ERBIN: variants seen among roughly 807,000 people sequenced by gnomAD.
ERBIN encodes the protein densin-180-like protein.
In ERBIN, 60 loss-of-function variants were observed where a neutral mutation model predicts 158.4. The ratio of observed to expected loss-of-function variants is 0.38; its 90% CI spans 0.31 to 0.47. ERBIN has a LOEUF of 0.47. ERBIN is among the 20% of genes least tolerant of loss of function. The pLI, the probability that ERBIN is intolerant of heterozygous loss-of-function variation, is 0.99. For missense variants in ERBIN, 1,610 were observed against 1,648.0 expected, an observed-to-expected ratio of 0.98 and a Z score of 0.40; for synonymous variants, 594 against 557.2, an observed-to-expected ratio of 1.07 and a Z score of -0.93.
intron 3 of ERBIN, 97 bp downstream of exon 3, chr5:65,993,004 T>C: frequency 1.0e-6 from 1 of 1,001,206 alleles, no homozygotes; most frequent in Non-Finnish European, 1.4e-6. Context: ...AATATATTTG[T>C]GTGGTTGAAT....
chr5:65,959,238 T>A (rs574177812), intron 1 of ERBIN, among the ~76,000 whole-genome samples: 1 of 152,298 alleles, frequency 6.6e-6, no homozygotes, highest in South Asian at 2.1e-4. Flanking sequence ...TTTGATCACT[T>A]AAAAATTCAT....
chr5:66,036,996 A>G (rs750977879), intron 14 of ERBIN, among the ~76,000 whole-genome samples: 6 of 152,176 alleles, frequency 3.9e-5, no homozygotes, highest in Non-Finnish European at 8.8e-5. Context: ...TTTAAAGGAT[A>G]CAATTCAGTG....
chr5:66,021,796 A>C (rs1295916765), intron 8 of ERBIN, among the ~76,000 whole-genome samples: 4 of 152,136 alleles, frequency 2.6e-5, no homozygotes. Context: ...TTAATAGCTA[A>C]GGGGAAAATC....
rs190790667 is a variant in ERBIN, at chr5:66,067,941, G to A, written c.3634-4228G>A. On this transcript the variant is annotated intron_variant, in intron 21 of 25. Coordinates refer to ENST00000284037, the MANE Select transcript of ERBIN (RefSeq NM_001253697.2). The stretch of plus-strand genomic sequence containing the variant: ...GCCTGGGTAACATAGCAAGACCCAT[G>A]TCTCTTTAAAAAATAAAATTAAAAA... 1.6e-3 allele frequency among the ~76,000 whole-genome samples: 236 copies of A among 152,176 alleles called. 1 individual carries two copies. Among genetic ancestry groups the A allele is most frequent in the Non-Finnish European group, 2.7e-3 (182 of 67,996 alleles).
At position 66,036,215 on chromosome 5, in the gene ERBIN, A is replaced by C. The variant is rs529469381; in HGVS notation, c.1207-2168A>C. ...AGCTTCCTAATAGGTCTCTGCCTCC[A>C]GTGTTGCTACCAGTTCCAATCCCTT... is the stretch of plus-strand genomic sequence containing the variant. On this transcript the variant is annotated intron_variant, in intron 14 of 25. Coordinates refer to ENST00000284037, the MANE Select transcript of ERBIN (RefSeq NM_001253697.2). Among the ~76,000 whole-genome samples the C allele has an allele frequency of 2.6e-4, 40 of 152,324 alleles. No homozygotes were observed. The South Asian group carries it at 7.9e-3, about 30-fold the overall frequency.
intron 7 of ERBIN, among the ~76,000 whole-genome samples, chr5:66,018,480 T>TTATATAATATATATTATATATTATATAA (rs1554058765): frequency 1.8e-4 from 1 of 5,498 alleles, no homozygotes; most frequent in Non-Finnish European, 3.3e-4. Context: ...ATATTATATA[T>TTATATAATATATATTATATATTATATAA]TATATATTAT....
chr5:66,052,886 A>G (rs374296553), intron 20 of ERBIN, among the ~76,000 whole-genome samples: 1 of 152,278 alleles, frequency 6.6e-6, no homozygotes, highest in East Asian at 1.9e-4. Context: ...TGCTTTGTAC[A>G]ATTTTCTTAC....
chr5:66,074,952 CA>C, intron 22 of ERBIN, 71 bp from the exon 23 acceptor site: 1 of 1,412,568 alleles, frequency 7.1e-7, no homozygotes. Flanking sequence ...TGTAATGCTC[CA>C]AGAAGAAATC....
intron 22 of ERBIN, among the ~76,000 whole-genome samples, chr5:66,073,431 T>C (rs1039333283): frequency 6.6e-6 from 1 of 152,176 alleles, no homozygotes; most frequent in African/African-American, 2.4e-5. Context: ...AGGGCTAATA[T>C]AGCCCTTCAT....
At chr5:65,954,050 G>C (rs567939135) in intron 1 of ERBIN, among the ~76,000 whole-genome samples, 1 of 152,200 alleles carries the variant, frequency 6.6e-6, no homozygotes, top group African/African-American at 2.4e-5. Context: ...TTTTAAAACT[G>C]TGGTGACCAA....
chr5:66,039,261 A>C (rs1485916364), intron 15 of ERBIN, among the ~76,000 whole-genome samples: 1 of 151,926 alleles, frequency 6.6e-6, no homozygotes, highest in East Asian at 1.9e-4. Flanking sequence ...CCTTATCTTG[A>C]AATGATGATA....
intron 1 of ERBIN, among the ~76,000 whole-genome samples, chr5:65,955,057 T>G (rs938667108): frequency 6.6e-6 from 1 of 151,950 alleles, no homozygotes; most frequent in South Asian, 2.1e-4. Context: ...CAGAGCGAGA[T>G]TCCGTCTTAT....
At chr5:66,073,473 C>T (rs1434467669) in intron 22 of ERBIN, among the ~76,000 whole-genome samples, 1 of 152,126 alleles carries the variant, frequency 6.6e-6, no homozygotes, top group African/African-American at 2.4e-5. Context: ...TAAGATTTGT[C>T]AGTAACATCC....
At chr5:65,979,740 T>A (rs1174149118) in intron 1 of ERBIN, among the ~76,000 whole-genome samples, 1 of 152,190 alleles carries the variant, frequency 6.6e-6, no homozygotes, top group African/African-American at 2.4e-5. Context: ...AGTTCTATGA[T>A]AAGAAATAAA....
chr5:65,951,077 C>T (rs1746450031), intron 1 of ERBIN, among the ~76,000 whole-genome samples: 1 of 152,206 alleles, frequency 6.6e-6, no homozygotes, highest in African/African-American at 2.4e-5. Context: ...TAGCTGGATT[C>T]TATATAGAGA....
chr5:65,935,287 C>T (rs1418552964), intron 1 of ERBIN, among the ~76,000 whole-genome samples: 1 of 152,072 alleles, frequency 6.6e-6, no homozygotes, highest in Admixed American at 6.6e-5. Context: ...CATTGTAAAT[C>T]GAGGAGCATC....
chr5:66,070,021 TTTTATTTATTTATTTATTCA>T (rs1561454984), intron 21 of ERBIN, among the ~76,000 whole-genome samples: 1 of 152,066 alleles, frequency 6.6e-6, no homozygotes. Flanking sequence ...AACCTCCCAA[TTTTATTTATTTATTTATTCA>T]TTTATTTATT....
At chr5:66,016,758 C>G (rs1032639289) in intron 7 of ERBIN, among the ~76,000 whole-genome samples, 13 of 152,124 alleles carry the variant, frequency 8.5e-5, no homozygotes, top group Admixed American at 7.2e-4. Context: ...GGACTATAAG[C>G]ATGTACCACC....
At chr5:65,943,018 A>G (rs548587868) in intron 1 of ERBIN, among the ~76,000 whole-genome samples, 49 of 152,236 alleles carry the variant, frequency 3.2e-4, no homozygotes, top group Admixed American at 9.8e-4. Flanking sequence ...CATTTCCCCT[A>G]TTATTAACAT....
Sources: allele counts gnomAD v4.1 joint callset (sites outside exome capture counted in the v4.1 genomes callset), GRCh38; gene constraint gnomAD v4.1.1; transcripts MANE v1.5; gene names NCBI Gene and HGNC (gene_info 2026-07-23, HGNC 2026-07-21).